Variants in BICD1 observed in about 807,000 individuals in gnomAD.
The protein encoded by BICD1 is protein bicaudal D homolog 1.
BICD1 carries 35 observed loss-of-function variants against 92.5 expected under a neutral mutation model. That is an observed-to-expected ratio of 0.38 (90% CI 0.29 to 0.50). The LOEUF is 0.50. BICD1 is among the 20% of genes least tolerant of loss of function. The pLI is 0.93. For synonymous variants in BICD1, 429 were observed against 465.1 expected, an observed-to-expected ratio of 0.92 and a Z score of 1.00; for missense variants, 950 against 1,189.8, an observed-to-expected ratio of 0.80 and a Z score of 2.97.
chr12:32,276,460 C>A (rs1027541885), intron 2 of BICD1, among the ~76,000 whole-genome samples: 1 of 152,142 alleles, frequency 6.6e-6, no homozygotes, highest in Non-Finnish European at 1.5e-5. Context: ...TAGCTCACAC[C>A]CAACCAGAGA....
chr12:32,202,343 T>G (rs1485654572), intron 1 of BICD1, among the ~76,000 whole-genome samples: 1 of 152,198 alleles, frequency 6.6e-6, no homozygotes, highest in Non-Finnish European at 1.5e-5. Flanking sequence ...GTCCTGAACT[T>G]GCCCAAATTA....
intron 8 of BICD1, among the ~76,000 whole-genome samples, chr12:32,351,933 A>T (rs1414942310): frequency 2.7e-5 from 4 of 146,242 alleles, no homozygotes; most frequent in East Asian, 2.2e-4. Flanking sequence ...TTGGCCAGGC[A>T]CAGTGGCTCA....
chr12:32,177,605 T>C (rs1944132485), intron 1 of BICD1, among the ~76,000 whole-genome samples: 1 of 149,896 alleles, frequency 6.7e-6, no homozygotes, highest in East Asian at 1.9e-4. Flanking sequence ...GTTTCGTGGC[T>C]GGAGTGGCGG....
chr12:32,356,507 G>A (rs893539002), intron 8 of BICD1, among the ~76,000 whole-genome samples: 5 of 151,962 alleles, frequency 3.3e-5, no homozygotes, highest in African/African-American at 1.2e-4. Context: ...TAAAAAATTA[G>A]CTGGGCGTAG....
chr12:32,211,882 T>C (rs1434620870), intron 1 of BICD1, among the ~76,000 whole-genome samples: 2 of 152,142 alleles, frequency 1.3e-5, no homozygotes, highest in Non-Finnish European at 2.9e-5. Flanking sequence ...CCAGAGGCCT[T>C]TTAATGGATA....
intron 8 of BICD1, among the ~76,000 whole-genome samples, chr12:32,366,881 AT>A (rs947966936): frequency 6.6e-5 from 10 of 151,522 alleles, no homozygotes; most frequent in Non-Finnish European, 1.2e-4. Context: ...CTGCTCTTTG[AT>A]TTTTTTTTAG....
intron 1 of BICD1, among the ~76,000 whole-genome samples, chr12:32,165,710 T>C (rs1333660543): frequency 1.3e-5 from 2 of 150,434 alleles, no homozygotes; most frequent in African/African-American, 2.4e-5. Context: ...AGTATTTGAG[T>C]TGATGCTCTG....
At chr12:32,306,410 A>C (rs1948220474) in intron 4 of BICD1, among the ~76,000 whole-genome samples, 1 of 151,402 alleles carries the variant, frequency 6.6e-6, no homozygotes, top group African/African-American at 2.4e-5. Context: ...TGCCCGGCTA[A>C]TTTTTTTGTA....
chr12:32,122,169 G>A (rs1394054240), intron 1 of BICD1, among the ~76,000 whole-genome samples: 2 of 151,722 alleles, frequency 1.3e-5, no homozygotes, highest in Non-Finnish European at 2.9e-5. Flanking sequence ...TCTTAAGGCT[G>A]GGCGCGCTGG....
intron 1 of BICD1, among the ~76,000 whole-genome samples, chr12:32,117,696 A>G (rs981681978): frequency 1.5e-5 from 2 of 137,530 alleles, no homozygotes; most frequent in African/African-American, 5.5e-5. Flanking sequence ...ATATATATAT[A>G]TACACAAATA....
chr12:32,345,809 A>T (rs181336879), intron 8 of BICD1, among the ~76,000 whole-genome samples: 4 of 152,340 alleles, frequency 2.6e-5, no homozygotes, highest in Non-Finnish European at 4.4e-5. Flanking sequence ...GATATAAACC[A>T]TATATGTAAA....
intron 2 of BICD1, among the ~76,000 whole-genome samples, chr12:32,234,777 G>A (rs1015921746): frequency 6.6e-6 from 1 of 150,466 alleles, no homozygotes; most frequent in Admixed American, 6.6e-5. Context: ...CTGAGTGGAG[G>A]TTACTCAGGC....
intron 3 of BICD1, among the ~76,000 whole-genome samples, chr12:32,297,208 G>T (rs889545280): frequency 1.3e-5 from 2 of 151,888 alleles, no homozygotes; most frequent in Non-Finnish European, 2.9e-5. Flanking sequence ...AAGTTTTTTG[G>T]TTTTTTGGGG....
chr12:32,212,626 G>A (rs73297298), intron 1 of BICD1, among the ~76,000 whole-genome samples: 8,632 of 152,162 alleles, frequency 0.057, 751 homozygotes, highest in African/African-American at 0.19. Flanking sequence ...GTTTTGCCAC[G>A]TTGGCCAGAC....
At chr12:32,152,182 C>G (rs933831222) in intron 1 of BICD1, among the ~76,000 whole-genome samples, 1 of 152,026 alleles carries the variant, frequency 6.6e-6, no homozygotes, top group Non-Finnish European at 1.5e-5. Flanking sequence ...GTCTTGAACT[C>G]CTGACCTCAG....
rs764953535 is a variant in BICD1 at position 32,107,534 on chromosome 12, A to T, written c.203A>T (p.Gln68Leu). 2.2e-5 allele frequency: 35 copies of T among 1,586,432 alleles called. No individual in the cohort carries two copies. In the Middle Eastern group the frequency reaches 5.0e-4, roughly 22 times the overall value. The change falls in exon 1 of 10, where the codon CAG (glutamine) becomes CTG (leucine). Residue 68 changes from glutamine (Q) to leucine (L), a missense_variant. Gln to Leu is a moderately radical substitution (Grantham distance 113). Coordinates refer to ENST00000652176, the MANE Select transcript of BICD1 (RefSeq NM_001714.4). The stretch of plus-strand genomic sequence containing the variant: ...GACAGCCTCAAACAGGAGCTGGAGC[A>T]GCTCAAAGAGGTGAGTTGCCTGTCA... ...EYDSLKQELE[Q>L]LKEAFGQSFS...
At position 32,295,671 on chromosome 12, in the gene BICD1, T is replaced by TG. The variant is rs752709254; in HGVS notation, c.579+1526dup. 2.8e-3 allele frequency among the ~76,000 whole-genome samples: 414 copies of TG among 149,474 alleles called. 3 individuals carry two copies. Among genetic ancestry groups the TG allele is most frequent in the African/African-American group, 7.4e-3 (301 of 40,938 alleles). On this transcript the variant is annotated intron_variant, in intron 3 of 9. Transcript: ENST00000652176. ...AATTTGATTTCTTTTTTTTTTTTTT[T>TG]GCGACAGAGTCTTGCTGTGTTGCCC...
At chr12:32,255,196 C>G (rs965701566) in intron 2 of BICD1, among the ~76,000 whole-genome samples, 1 of 152,146 alleles carries the variant, frequency 6.6e-6, no homozygotes, top group East Asian at 1.9e-4. Context: ...AAGACAGATT[C>G]GCTGATGTCT....
chr12:32,192,532 A>G (rs1315173028), intron 1 of BICD1, among the ~76,000 whole-genome samples: 1 of 149,750 alleles, frequency 6.7e-6, no homozygotes. Flanking sequence ...AGTCTTCTGG[A>G]TAGAAGATCA....
Sources: gnomAD v4.1 joint callset for allele counts (sites outside exome capture counted in the v4.1 genomes callset) on GRCh38, gnomAD v4.1.1 for gene constraint, MANE v1.5 for transcripts, NCBI Gene and HGNC (gene_info 2026-07-23, HGNC 2026-07-21) for gene names.